ME3: variants seen among roughly 807,000 people sequenced by gnomAD.
ME3 encodes NADP-dependent malic enzyme, mitochondrial.
ME3 carries 48 observed loss-of-function variants against 68.9 expected under a neutral mutation model. That is an observed-to-expected ratio of 0.70 (90% CI 0.55 to 0.89). The LOEUF is 0.89. Among genes scored for constraint, ME3 ranks in the 40% least tolerant of loss-of-function variants. The pLI, the probability that ME3 is intolerant of heterozygous loss-of-function variation, is 0.00. For missense variants in ME3, 675 were observed against 797.4 expected (o/e 0.85, Z 1.85); for synonymous variants, 320 against 318.8 (o/e 1.00, Z -0.04).
At chr11:86,487,967 CG>C (rs1951793444) in intron 6 of ME3, among the ~76,000 whole-genome samples, 1 of 152,130 alleles carries the variant, frequency 6.6e-6, no homozygotes, top group Non-Finnish European at 1.5e-5. Flanking sequence ...CTCTTGAGCC[CG>C]GGAGTCTGAG....
chr11:86,444,063 C>A (rs906215555), intron 13 of ME3, among the ~76,000 whole-genome samples: 1 of 152,002 alleles, frequency 6.6e-6, no homozygotes, highest in Non-Finnish European at 1.5e-5. Flanking sequence ...TGTCAGTGGA[C>A]AAGTAACAAA....
At chr11:86,543,107 G>A (rs1392391636) in intron 4 of ME3, among the ~76,000 whole-genome samples, 3 of 152,198 alleles carry the variant, frequency 2.0e-5, no homozygotes, top group Non-Finnish European at 4.4e-5. Context: ...CAAATGCTGA[G>A]AGATTTTGTC....
intron 2 of ME3, among the ~76,000 whole-genome samples, chr11:86,652,631 T>G (rs1431217056): frequency 6.6e-6 from 1 of 151,902 alleles, no homozygotes; most frequent in African/African-American, 2.4e-5. Context: ...TACCAGCCAC[T>G]GCAAAAACAT....
At chr11:86,540,582 T>G (rs1443856536) in intron 4 of ME3, among the ~76,000 whole-genome samples, 1 of 152,178 alleles carries the variant, frequency 6.6e-6, no homozygotes, top group Non-Finnish European at 1.5e-5. Context: ...AAATGCTGGA[T>G]TAAGAGTCTA....
intron 4 of ME3, among the ~76,000 whole-genome samples, chr11:86,511,073 C>T (rs1953486408): frequency 6.6e-6 from 1 of 152,196 alleles, no homozygotes; most frequent in South Asian, 2.1e-4. Context: ...CTAAATAACT[C>T]CTGGTTCAAA....
chr11:86,568,622 C>T (rs1309518568), intron 2 of ME3, among the ~76,000 whole-genome samples: 3 of 152,306 alleles, frequency 2.0e-5, no homozygotes, highest in Non-Finnish European at 2.9e-5. Flanking sequence ...AATGGCAGGG[C>T]GCAAAGGCAG....
chr11:86,662,760 A>G (rs1289781965), intron 2 of ME3, among the ~76,000 whole-genome samples: 3 of 152,230 alleles, frequency 2.0e-5, no homozygotes, highest in African/African-American at 4.8e-5. Flanking sequence ...TTATTACTTG[A>G]CTTCCCTCCA....
chr11:86,498,903 A>T (rs1357811564), intron 5 of ME3, among the ~76,000 whole-genome samples: 1 of 152,164 alleles, frequency 6.6e-6, no homozygotes, highest in Non-Finnish European at 1.5e-5. Context: ...ATTCTGTGGG[A>T]GCTTCAGTTT....
intron 6 of ME3, among the ~76,000 whole-genome samples, chr11:86,496,545 C>T (rs987533110): frequency 5.9e-5 from 9 of 152,122 alleles, no homozygotes; most frequent in African/African-American, 7.2e-5. Flanking sequence ...TTCTTGACAC[C>T]GTGAATCAAG....
chr11:86,568,104 C>G (rs554928504), intron 2 of ME3, among the ~76,000 whole-genome samples: 2 of 152,288 alleles, frequency 1.3e-5, no homozygotes, highest in Admixed American at 1.3e-4. Context: ...TTTAACAAAA[C>G]TCTCAATATA....
intron 4 of ME3, among the ~76,000 whole-genome samples, chr11:86,530,741 A>G (rs1955153146): frequency 6.6e-6 from 1 of 152,224 alleles, no homozygotes; most frequent in Non-Finnish European, 1.5e-5. Flanking sequence ...AAAAACAAGA[A>G]ATGGGGAAAG....
At chr11:86,545,946 G>A (rs1443100998) in intron 4 of ME3, among the ~76,000 whole-genome samples, 1 of 152,298 alleles carries the variant, frequency 6.6e-6, no homozygotes, top group Non-Finnish European at 1.5e-5. Flanking sequence ...AAATAGCATG[G>A]TACTGGTACT....
At chr11:86,496,121 C>T (rs1195941771) in intron 6 of ME3, among the ~76,000 whole-genome samples, 1 of 151,820 alleles carries the variant, frequency 6.6e-6, no homozygotes, top group Non-Finnish European at 1.5e-5. Flanking sequence ...ATGGGGATGC[C>T]TGGGCTGGGT....
rs550510355 is a variant in ME3, at chr11:86,621,240, A to G, written c.183+50522T>C. Among the ~76,000 whole-genome samples the G allele has an allele frequency of 3.3e-5, 5 of 152,356 alleles. No individual in the cohort carries two copies. The South Asian group carries it at 8.3e-4, about 25-fold the overall frequency. The stretch of plus-strand genomic sequence containing the variant: ...CTGACACAATGTTCTTTGAGGTAAT[A>G]AGAGGAGAAAAGTCACTATTTTCAA... On this transcript the variant is annotated intron_variant, in intron 2 of 14. Transcript: ENST00000543262.
At chr11:86,510,331 A>C (rs689039) in intron 4 of ME3, among the ~76,000 whole-genome samples, 140,404 of 152,182 alleles carry the variant, frequency 0.92, 64,891 homozygotes, top group Non-Finnish European at 0.95. Context: ...CCCTACCCAA[A>C]ATTTGGCTTT....
At chr11:86,612,695 G>A (rs1252940843) in intron 2 of ME3, among the ~76,000 whole-genome samples, 5 of 152,036 alleles carry the variant, frequency 3.3e-5, no homozygotes, top group African/African-American at 4.8e-5. Flanking sequence ...ATGATTGTTG[G>A]CCATGTAAAT....
intron 2 of ME3, among the ~76,000 whole-genome samples, chr11:86,586,970 A>G (rs773950997): frequency 1.3e-5 from 2 of 152,214 alleles, no homozygotes; most frequent in Non-Finnish European, 2.9e-5. Flanking sequence ...GGGGTGGAGA[A>G]TGGAAGTGGC....
chr11:86,620,164 G>A (rs990455226), intron 2 of ME3, among the ~76,000 whole-genome samples: 3 of 152,118 alleles, frequency 2.0e-5, no homozygotes, highest in South Asian at 2.1e-4. Context: ...TTCAAAAAAC[G>A]TTTTTTTAAA....
intron 9 of ME3, 65 bp downstream of exon 9, chr11:86,450,236 G>C: frequency 6.8e-7 from 1 of 1,467,324 alleles, no homozygotes; most frequent in Non-Finnish European, 9.5e-7. Flanking sequence ...TCCCTTTTTT[G>C]GTATGCTTCC....
Sources: allele counts gnomAD v4.1 joint callset (sites outside exome capture counted in the v4.1 genomes callset), GRCh38; gene constraint gnomAD v4.1.1; transcripts MANE v1.5; gene names NCBI Gene and HGNC (gene_info 2026-07-23, HGNC 2026-07-21).